The following ZBTB20 variants were observed in gnomAD, a reference collection of about 807,000 sequenced individuals.
ZBTB20 encodes zinc finger and BTB domain containing 20.
A neutral mutation model predicts 56.9 loss-of-function variants in ZBTB20; 9 were observed. The ratio of observed to expected loss-of-function variants is 0.16; its 90% CI spans 0.10 to 0.28. ZBTB20 has a LOEUF of 0.28. Among genes scored for constraint, ZBTB20 ranks in the 10% least tolerant of loss-of-function variants. The pLI is 1.00. For missense variants in ZBTB20, 655 were observed against 1,003.0 expected, an observed-to-expected ratio of 0.65 and a Z score of 4.69; for synonymous variants, 417 against 420.7, an observed-to-expected ratio of 0.99 and a Z score of 0.11.
At chr3:114,968,779 G>T (rs1033776280) in intron 3 of ZBTB20, among the ~76,000 whole-genome samples, 1 of 152,062 alleles carries the variant, frequency 6.6e-6, no homozygotes, top group Non-Finnish European at 1.5e-5. Context: ...ATTCCAATCT[G>T]AGATTTTCAA....
chr3:114,952,927 A>G (rs974988531), intron 3 of ZBTB20, among the ~76,000 whole-genome samples: 1 of 152,100 alleles, frequency 6.6e-6, no homozygotes, highest in African/African-American at 2.4e-5. Context: ...AAGGAAGAGG[A>G]AAAAAAGTGA....
At chr3:114,748,334 CTTCT>C (rs71146331) in intron 5 of ZBTB20, among the ~76,000 whole-genome samples, 3 of 57,164 alleles carry the variant, frequency 5.2e-5, no homozygotes, top group African/African-American at 1.8e-4. Context: ...TTCTTTCTTT[CTTCT>C]TTCTTTCTTT....
chr3:114,386,247 A>T (rs2085108333), intron 8 of ZBTB20, among the ~76,000 whole-genome samples: 1 of 152,184 alleles, frequency 6.6e-6, no homozygotes, highest in African/African-American at 2.4e-5. Context: ...TATTTTAGTG[A>T]TTAAACACAT....
At chr3:114,547,019 A>T (rs2049974584) in intron 6 of ZBTB20, among the ~76,000 whole-genome samples, 1 of 152,184 alleles carries the variant, frequency 6.6e-6, no homozygotes. Context: ...CTACAGGGGC[A>T]TGGGGATGCA....
At chr3:115,029,577 A>T (rs2080578865) in intron 2 of ZBTB20, among the ~76,000 whole-genome samples, 1 of 150,932 alleles carries the variant, frequency 6.6e-6, no homozygotes, top group Non-Finnish European at 1.5e-5. Flanking sequence ...GACAAGAAAC[A>T]AGCCTATTTG....
At chr3:114,963,673 C>G (rs1186746404) in intron 3 of ZBTB20, among the ~76,000 whole-genome samples, 1 of 152,122 alleles carries the variant, frequency 6.6e-6, no homozygotes, top group Non-Finnish European at 1.5e-5. Flanking sequence ...TTAAACACTT[C>G]TAAGACTTTC....
At chr3:114,599,996 C>G (rs970323249) in intron 6 of ZBTB20, among the ~76,000 whole-genome samples, 1 of 151,950 alleles carries the variant, frequency 6.6e-6, no homozygotes, top group Non-Finnish European at 1.5e-5. Context: ...TAAAATTTAT[C>G]TAAGACTTCA....
intron 6 of ZBTB20, among the ~76,000 whole-genome samples, chr3:114,566,077 T>C (rs1456042726): frequency 6.6e-6 from 1 of 151,314 alleles, no homozygotes; most frequent in African/African-American, 2.4e-5. Context: ...TTACTTAGGA[T>C]TCGTTTAGTC....
intron 5 of ZBTB20, among the ~76,000 whole-genome samples, chr3:114,746,958 C>A (rs2067089003): frequency 6.6e-6 from 1 of 152,320 alleles, no homozygotes; most frequent in East Asian, 1.9e-4. Flanking sequence ...AAGATATTTT[C>A]TCATGTCAAC....
At chr3:114,772,200 G>T (rs2108745549) in intron 5 of ZBTB20, among the ~76,000 whole-genome samples, 2 of 152,126 alleles carry the variant, frequency 1.3e-5, no homozygotes, top group South Asian at 4.2e-4. Context: ...AAGTAACCGG[G>T]CATGGTGGCA....
intron 2 of ZBTB20, among the ~76,000 whole-genome samples, chr3:114,984,403 C>T (rs2078451193): frequency 6.6e-6 from 1 of 151,994 alleles, no homozygotes; most frequent in Non-Finnish European, 1.5e-5. Context: ...CAAATCCTCC[C>T]TCCAACAACA....
rs1312620090 is a variant in ZBTB20 at position 114,407,979 on chromosome 3, A to G, written c.-254-18874T>C. ...GATAAGTTACTGAAAATTCTTATTT[A>G]TTTTGAAGTTAGTGCTGAAGAAACT... is the stretch of plus-strand genomic sequence containing the variant. On this transcript the variant is annotated intron_variant, in intron 7 of 11. Coordinates refer to ENST00000675478, the MANE Select transcript of ZBTB20 (RefSeq NM_001348800.3). 2.6e-5 allele frequency among the ~76,000 whole-genome samples: 4 copies of G among 152,268 alleles called. No homozygotes were observed. In the East Asian group the frequency reaches 7.7e-4, roughly 29 times the overall value.
intron 1 of ZBTB20, among the ~76,000 whole-genome samples, chr3:115,107,992 G>A (rs988089900): frequency 2.6e-5 from 4 of 152,252 alleles, no homozygotes; most frequent in South Asian, 2.1e-4. Context: ...GTCGGCGGGT[G>A]GGGGGTGAGA....
At chr3:114,845,935 C>T (rs2074680439) in intron 4 of ZBTB20, among the ~76,000 whole-genome samples, 1 of 152,120 alleles carries the variant, frequency 6.6e-6, no homozygotes, top group South Asian at 2.1e-4. Context: ...AATTTATAAG[C>T]ACCTTGAGGA....
At chr3:114,982,288 C>A (rs1046380849) in intron 2 of ZBTB20, among the ~76,000 whole-genome samples, 3 of 152,012 alleles carry the variant, frequency 2.0e-5, no homozygotes, top group Non-Finnish European at 4.4e-5. Flanking sequence ...GTCGATACAA[C>A]TTTTAATTTC....
At chr3:114,821,268 G>A (rs992906002) in intron 4 of ZBTB20, among the ~76,000 whole-genome samples, 1 of 152,132 alleles carries the variant, frequency 6.6e-6, no homozygotes, top group African/African-American at 2.4e-5. Flanking sequence ...GAAGTCTGGT[G>A]TTGTTTGGCA....
At chr3:115,009,141 T>C (rs1027291208) in intron 2 of ZBTB20, among the ~76,000 whole-genome samples, 2 of 152,004 alleles carry the variant, frequency 1.3e-5, no homozygotes, top group Admixed American at 6.6e-5. Context: ...TGGATAATGT[T>C]TTCTTCTGGA....
chr3:115,069,852 C>CA lies in ZBTB20; in HGVS notation c.-507+1366dup, dbSNP rs760306223. On this transcript the variant is annotated intron_variant, in intron 2 of 11. Coordinates refer to ENST00000675478, the MANE Select transcript of ZBTB20 (RefSeq NM_001348800.3). ...ATACATCTCATTTAATCCTCATATA[C>CA]AAAAAAAAAAAAATATTCTTGGGTA... Among the ~76,000 whole-genome samples the CA allele has an allele frequency of 4.1e-3, 552 of 133,314 alleles. 5 individuals carry two copies. The highest frequency in any genetic ancestry group is 6.0e-3 in the Non-Finnish European group (367 of 61,398). The allele number at this position is 133,314 out of a possible 152,430, so 87.5% of individuals were successfully genotyped here.
chr3:114,784,446 G>C (rs1350232847), intron 5 of ZBTB20, among the ~76,000 whole-genome samples: 1 of 152,128 alleles, frequency 6.6e-6, no homozygotes, highest in Non-Finnish European at 1.5e-5. Flanking sequence ...TAAAAACCCA[G>C]CCACTGATCC....
Sources: allele counts gnomAD v4.1 joint callset (sites outside exome capture counted in the v4.1 genomes callset), GRCh38; gene constraint gnomAD v4.1.1; transcripts MANE v1.5; gene names NCBI Gene and HGNC (gene_info 2026-07-23, HGNC 2026-07-21).